The following DES variants were observed in gnomAD, a reference collection of about 807,000 sequenced individuals.
DES encodes the protein cardiomyopathy, dilated 1F (autosomal dominant).
In DES, 34 loss-of-function variants were observed where a neutral mutation model predicts 55.1. That is an observed-to-expected ratio of 0.62 (90% CI 0.47 to 0.82). DES has a LOEUF of 0.82. Among genes scored for constraint, DES ranks in the 40% least tolerant of loss-of-function variants. The pLI, the probability that DES is intolerant of heterozygous loss-of-function variation, is 0.00. For missense variants in DES, 596 were observed against 645.9 expected (o/e 0.92, Z 0.84); for synonymous variants, 259 against 270.8 (o/e 0.96, Z 0.43).
rs748742357 is a variant in DES at position 219,420,873 on chromosome 2, C to T, written c.943C>T (p.Arg315Cys). Residue 315 changes from arginine to cysteine, a missense_variant, in exon 5 of 9, where the codon CGC (arginine) becomes TGC (cysteine). Coordinates refer to ENST00000373960, the MANE Select transcript of DES (RefSeq NM_001927.4). The surrounding 1 kb of genome is among the most constrained non-coding windows in gnomAD (Gnocchi z 6.0). ...AGCCAACAAGAACAACGACGCCCTG[C>T]GCCAGGCCAAGCAGGAGATGATGGA... ...QAANKNNDAL[R>C]QAKQEMMEYR... The T allele has an allele frequency of 3.7e-6, 6 of 1,613,704 alleles. No homozygotes were observed. The highest frequency in any genetic ancestry group is 3.3e-5 in the Admixed American group (2 of 59,982).
rs367947342 is a variant in DES, at chr2:219,425,927, C to T, written c.1372-22C>T. 9.9e-6 allele frequency: 16 copies of T among 1,613,836 alleles called. No individual in the cohort carries two copies. The African/African-American group carries it at 2.1e-4, about 22-fold the overall frequency. On this transcript the variant is annotated intron_variant, in intron 8 of 8. Transcript: ENST00000373960. The stretch of plus-strand genomic sequence containing the variant: ...ATTCTCTGGCTAGCACATGGTTGGA[C>T]TGGGCTTCTCTTCCTCCCCAGGTCG...
Position 219,418,540 on chromosome 2 carries a change from C to T in DES, c.78C>T (p.Leu26=), listed in dbSNP as rs1252527107. 3 of 1,601,960 alleles carry T rather than the reference C, an allele frequency of 1.9e-6. No homozygotes were observed. The highest frequency in any genetic ancestry group is 1.1e-5 in the South Asian group (1 of 89,714). ...RTFGGAPGFP[L]GSPLSSPVFP... ...TCGGCGGGGCCCCGGGCTTCCCACT[C>T]GGCTCCCCGCTGAGTTCGCCCGTGT... Residue 26 remains leucine, a synonymous_variant, in exon 1 of 9, where the codon CTC becomes CTT. Coordinates refer to ENST00000373960, the MANE Select transcript of DES (RefSeq NM_001927.4).
At position 219,418,805 on chromosome 2, in the gene DES, C is replaced by T. The variant is rs1954372352; in HGVS notation, c.343C>T (p.Leu115Phe). Reference sequence around the variant, plus strand: ...CAACGAGAAGGTGGAGCTGCAGGAGCTCAATGACCGCTTCGCCAACTACAT... The same window carrying T: ...CAACGAGAAGGTGGAGCTGCAGGAGTTCAATGACCGCTTCGCCAACTACAT... ...RTNEKVELQE[L>F]NDRFANYIEK... Residue 115 changes from leucine to phenylalanine, a missense_variant, in exon 1 of 9, where the codon CTC (leucine) becomes TTC (phenylalanine). By Grantham distance (22) the Leu-to-Phe change is conservative. Transcript: ENST00000373960. 1 of 1,573,410 alleles carries T rather than the reference C, an allele frequency of 6.4e-7. No homozygotes were observed. The highest frequency in any genetic ancestry group is 8.6e-7 in the Non-Finnish European group (1 of 1,158,750).
At position 219,418,867 on chromosome 2, in the gene DES, G is replaced by A. The variant is rs1344076921; in HGVS notation, c.405G>A (p.Ala135=). The change falls in exon 1 of 9, where the codon GCG becomes GCA. Residue 135 remains alanine, a synonymous_variant. Transcript: ENST00000373960. ...KVRFLEQQNA[A]LAAEVNRLKG... is the part of the protein sequence containing the mutation. ...GCTTCCTGGAGCAGCAGAACGCGGC[G>A]CTCGCCGCCGAAGTGAACCGGCTCA... The A allele has an allele frequency of 2.5e-6, 4 of 1,574,744 alleles. No individual in the cohort carries two copies. The highest frequency in any genetic ancestry group is 1.9e-5 in the Admixed American group (1 of 53,586).
Position 219,420,152 on chromosome 2 carries a change from A to G in DES, c.636A>G (p.Arg212=), listed in dbSNP as rs1217650993. ...CAGAGAACAATTTGGCTGCCTTCCG[A>G]GCGGTGAGTGCCCTTCTTTTCCCCT... ...EEAENNLAAF[R]ADVDAATLAR... is the part of the protein sequence containing the mutation. Residue 212 remains arginine (R), a synonymous_variant, in exon 2 of 9, where the codon CGA becomes CGG. Transcript: ENST00000373960. This position sits in a 1 kb window ranked among gnomAD's most constrained non-coding sequence, Gnocchi z 6.0. 1 of 1,614,196 alleles carries G rather than the reference A, an allele frequency of 6.2e-7. No homozygotes were observed. The highest frequency in any genetic ancestry group is 1.1e-5 in the South Asian group (1 of 91,080).
At position 219,420,023 on chromosome 2, in the gene DES, GC is replaced by G; in HGVS notation, c.579-67del. 2.6e-6 allele frequency: 4 copies of G among 1,546,814 alleles called. No homozygotes were observed. The highest frequency in any genetic ancestry group is 1.9e-4 in the Middle Eastern group (1 of 5,130). The stretch of plus-strand genomic sequence containing the variant: ...CTGTCCTGGACCCACCCCCTGGTCA[GC>G]CCCCGGCCAGTCGTTTCCACTGCCA... On this transcript the variant is annotated intron_variant, in intron 1 of 8. Transcript: ENST00000373960. This position sits in a 1 kb window ranked among gnomAD's most constrained non-coding sequence, Gnocchi z 6.0.
At position 219,425,652 on chromosome 2, in the gene DES, C is replaced by A; in HGVS notation, c.1289-11C>A. 6.4e-7 allele frequency: 1 copy of A among 1,564,334 alleles called. No homozygotes were observed. The highest frequency in any genetic ancestry group is 8.7e-7 in the Non-Finnish European group (1 of 1,153,914). On this transcript the variant is annotated splice_polypyrimidine_tract_variant and intron_variant, in intron 7 of 8. Coordinates refer to ENST00000373960, the MANE Select transcript of DES (RefSeq NM_001927.4). Reference sequence around the variant, plus strand: ...TTGGTCAGGCTGAGTGTGCGATGGACCCTGTTACAGAAACCAGCCCTGAGC... The same window carrying A: ...TTGGTCAGGCTGAGTGTGCGATGGAACCTGTTACAGAAACCAGCCCTGAGC...
intron 5 of DES, 147 bp downstream of exon 5, chr2:219,421,100 C>A: frequency 7.9e-7 from 1 of 1,269,712 alleles, no homozygotes; most frequent in African/African-American, 1.5e-5. Context: ...AAGTGGATTC[C>A]AGTTGGATGC....
In DES at chr2:219,426,336, C is replaced by T; in HGVS notation, c.*346C>T. The T allele has an allele frequency of 2.1e-6, 1 of 466,806 alleles. No individual in the cohort carries two copies. The highest frequency in any genetic ancestry group is 4.0e-6 in the Non-Finnish European group (1 of 251,752). 28.9% of individuals were successfully genotyped at this position (466,806 alleles called of 1,614,324 possible). A position where few individuals can be genotyped will look rare whatever the true frequency, so the allele number is the denominator to read the frequency against. The stretch of plus-strand genomic sequence containing the variant: ...CACTAGCCTTTGGCTCTGGAGACAG[C>T]CCCAGAGCAGGGTGTTGGGATACTG... On this transcript the variant is annotated 3_prime_UTR_variant, in exon 9 of 9. Coordinates refer to ENST00000373960, the MANE Select transcript of DES (RefSeq NM_001927.4). This position sits in a 1 kb window ranked among gnomAD's most constrained non-coding sequence, Gnocchi z 4.5.
In DES at chr2:219,424,106, T is replaced by G. The variant is rs555822879; in HGVS notation, c.1288+286T>G. Among the ~76,000 whole-genome samples the G allele has an allele frequency of 6.6e-5, 10 of 152,372 alleles. No individual in the cohort carries two copies. The East Asian group carries it at 1.9e-3, about 29-fold the overall frequency. The stretch of plus-strand genomic sequence containing the variant: ...GGGCCTCAGGAAGCAGCCTCTGTTC[T>G]GAATCCCAAACTCTGAAAGCAGGAG... On this transcript the variant is annotated intron_variant, in intron 7 of 8. Coordinates refer to ENST00000373960, the MANE Select transcript of DES (RefSeq NM_001927.4).
At position 219,418,814 on chromosome 2, in the gene DES, C is replaced by A. The variant is rs1188232371; in HGVS notation, c.352C>A (p.Arg118Ser). Residue 118 changes from arginine (R) to serine (S), a missense_variant, in exon 1 of 9, where the codon CGC becomes AGC. Physicochemically the swap from Arg to Ser is moderately radical, Grantham distance 110. Coordinates refer to ENST00000373960, the MANE Select transcript of DES (RefSeq NM_001927.4). ...GGTGGAGCTGCAGGAGCTCAATGAC[C>A]GCTTCGCCAACTACATCGAGAAGGT... The part of the protein sequence containing the change: ...EKVELQELND[R>S]FANYIEKVRF... 2 of 1,576,510 alleles carry A rather than the reference C, an allele frequency of 1.3e-6. No homozygotes were observed. Among genetic ancestry groups the A allele is most frequent in the Admixed American group, 1.9e-5 (1 of 53,914 alleles).
At chr2:219,421,981 A>G (rs981525428) in intron 6 of DES, among the ~76,000 whole-genome samples, 5 of 152,172 alleles carry the variant, frequency 3.3e-5, no homozygotes, top group African/African-American at 1.2e-4. Context: ...ACAATTTTAT[A>G]CAAGAGGCCA....
At position 219,421,059 on chromosome 2, in the gene DES, A is replaced by C. The variant is rs1285564787; in HGVS notation, c.1023+106A>C. ...ATAGATCCTCTCTGGGCCTTCATCT[A>C]CTTAAATCTACAATAGGGGTAAAAC... On this transcript the variant is annotated intron_variant, in intron 5 of 8. Coordinates refer to ENST00000373960, the MANE Select transcript of DES (RefSeq NM_001927.4). 4 of 1,471,548 alleles carry C rather than the reference A, an allele frequency of 2.7e-6. No homozygotes were observed. The East Asian group carries it at 9.8e-5, about 36-fold the overall frequency. The allele number at this position is 1,471,548 out of a possible 1,614,324, so 91.2% of individuals were successfully genotyped here. A position where few individuals can be genotyped will look rare whatever the true frequency, so the allele number is the denominator to read the frequency against.
intron 6 of DES, 67 bp downstream of exon 6, chr2:219,421,627 GA>G (rs1954446845): frequency 4.1e-6 from 6 of 1,478,078 alleles, no homozygotes; most frequent in Non-Finnish European, 4.6e-6. Context: ...CTGTCCCCAG[GA>G]GGCTCGAGAT....
Position 219,422,610 on chromosome 2 carries a change from G to A in DES, c.1244+1050G>A, listed in dbSNP as rs898303701. 3.9e-5 allele frequency among the ~76,000 whole-genome samples: 6 copies of A among 152,042 alleles called. No homozygotes were observed. In the East Asian group the frequency reaches 5.8e-4, roughly 15 times the overall value. On this transcript the variant is annotated intron_variant, in intron 6 of 8. Coordinates refer to ENST00000373960, the MANE Select transcript of DES (RefSeq NM_001927.4). ...CTCCCTAGTAGCTGGGATTACAGGC[G>A]TGTGCCAACACACTCAGCTGATTTT... is the stretch of plus-strand genomic sequence containing the variant.
chr2:219,426,578 G>A lies in DES; in HGVS notation c.*588G>A, dbSNP rs746886224. ...GTGCTGGAGGTGGGAGCAGGAGATT[G>A]AGAAGGAGAGAAAGTGGGTGAGATG... is the stretch of plus-strand genomic sequence containing the variant. On this transcript the variant is annotated 3_prime_UTR_variant, in exon 9 of 9. Transcript: ENST00000373960. This position sits in a 1 kb window ranked among gnomAD's most constrained non-coding sequence, Gnocchi z 4.5. 1.0e-4 allele frequency: 18 copies of A among 173,460 alleles called. No individual in the cohort carries two copies. The highest frequency in any genetic ancestry group is 1.5e-4 in the Non-Finnish European group (12 of 79,398). 10.7% of individuals were successfully genotyped at this position (173,460 alleles called of 1,614,324 possible). A position where few individuals can be genotyped will look rare whatever the true frequency, so the allele number is the denominator to read the frequency against.
Position 219,426,348 on chromosome 2 carries a change from G to C in DES, c.*358G>C, listed in dbSNP as rs1954537823. ...GCTCTGGAGACAGCCCCAGAGCAGG[G>C]TGTTGGGATACTGCAGGGCCAGGAC... On this transcript the variant is annotated 3_prime_UTR_variant, in exon 9 of 9. Coordinates refer to ENST00000373960, the MANE Select transcript of DES (RefSeq NM_001927.4). The surrounding 1 kb of genome is among the most constrained non-coding windows in gnomAD (Gnocchi z 4.5). 1 of 446,442 alleles carries C rather than the reference G, an allele frequency of 2.2e-6. No homozygotes were observed. The highest frequency in any genetic ancestry group is 2.0e-5 in the African/African-American group (1 of 50,096). The allele number at this position is 446,442 out of a possible 1,614,324, so 27.7% of individuals were successfully genotyped here. A position where few individuals can be genotyped will look rare whatever the true frequency, so the allele number is the denominator to read the frequency against.
intron 7 of DES, among the ~76,000 whole-genome samples, chr2:219,424,826 A>C (rs886610181): frequency 1.3e-5 from 2 of 152,262 alleles, no homozygotes; most frequent in Non-Finnish European, 2.9e-5. Flanking sequence ...ATGGCAAGTG[A>C]CTGAGCATCA....
At chr2:219,421,646 TACCTCAACAAG>T in intron 6 of DES, 86 bp downstream of exon 6, 1 of 1,284,530 alleles carries the variant, frequency 7.8e-7, no homozygotes, top group Non-Finnish European at 1.1e-6. Context: ...GATTACTGAT[TACCTCAACAAG>T]ACCTGGAAAC....
Sources: allele counts gnomAD v4.1 joint callset (sites outside exome capture counted in the v4.1 genomes callset), GRCh38; gene constraint gnomAD v4.1.1; non-coding constraint Gnocchi (gnomAD v3.1); transcripts MANE v1.5; gene names NCBI Gene and HGNC (gene_info 2026-07-23, HGNC 2026-07-21).